The following HS6ST3 variants were observed in gnomAD, a reference collection of about 807,000 sequenced individuals.
The protein encoded by HS6ST3 is heparan sulfate 6-O-sulfotransferase 3.
A neutral mutation model predicts 36.7 loss-of-function variants in HS6ST3; 12 were observed. The observed-to-expected ratio is 0.33, with a 90% CI of 0.21 to 0.53. HS6ST3 has a LOEUF of 0.53. Ranked by LOEUF, HS6ST3 falls within the 20% of genes least tolerant of loss-of-function variation. The pLI is 0.95. For missense variants in HS6ST3, 584 were observed against 640.9 expected, an observed-to-expected ratio of 0.91 and a Z score of 0.96; for synonymous variants, 240 against 257.5, an observed-to-expected ratio of 0.93 and a Z score of 0.65.
At chr13:96,324,753 A>G (rs912140615) in intron 1 of HS6ST3, among the ~76,000 whole-genome samples, 3 of 152,188 alleles carry the variant, frequency 2.0e-5, no homozygotes, top group Non-Finnish European at 4.4e-5. Context: ...AACACCATCT[A>G]TAAGCCAAGT....
At chr13:96,697,775 A>G (rs564176555) in intron 1 of HS6ST3, among the ~76,000 whole-genome samples, 1 of 152,292 alleles carries the variant, frequency 6.6e-6, no homozygotes, top group South Asian at 2.1e-4. Flanking sequence ...AAGTTAAGTT[A>G]TAAGTTAAAC....
chr13:96,827,566 A>G (rs1878676087), intron 1 of HS6ST3, among the ~76,000 whole-genome samples: 1 of 152,162 alleles, frequency 6.6e-6, no homozygotes, highest in African/African-American at 2.4e-5. Context: ...ATAAGATAGG[A>G]TGACTTTATA....
At chr13:96,460,669 A>C (rs1031713684) in intron 1 of HS6ST3, among the ~76,000 whole-genome samples, 4 of 152,170 alleles carry the variant, frequency 2.6e-5, no homozygotes, top group African/African-American at 9.7e-5. Flanking sequence ...GTATTTTTAC[A>C]CTTAATAGTA....
At chr13:96,636,881 A>G (rs977277964) in intron 1 of HS6ST3, among the ~76,000 whole-genome samples, 7 of 152,136 alleles carry the variant, frequency 4.6e-5, no homozygotes, top group African/African-American at 1.7e-4. Flanking sequence ...TGCTGTTTGA[A>G]GATAAATCAT....
At chr13:96,496,808 A>G (rs576192287) in intron 1 of HS6ST3, among the ~76,000 whole-genome samples, 77 of 152,250 alleles carry the variant, frequency 5.1e-4, no homozygotes, top group Non-Finnish European at 9.4e-4. Flanking sequence ...CTATTGAAAT[A>G]GGGACTGATA....
intron 1 of HS6ST3, among the ~76,000 whole-genome samples, chr13:96,440,844 C>G (rs777204880): frequency 6.6e-6 from 1 of 152,100 alleles, no homozygotes; most frequent in Non-Finnish European, 1.5e-5. Flanking sequence ...TAATTAATCC[C>G]TTTACCCCCT....
chr13:96,464,239 AC>A (rs1036802193), intron 1 of HS6ST3, among the ~76,000 whole-genome samples: 1 of 148,794 alleles, frequency 6.7e-6, no homozygotes, highest in Non-Finnish European at 1.5e-5. Flanking sequence ...TTGCTTCCTT[AC>A]CCCCCTACCC....
intron 1 of HS6ST3, among the ~76,000 whole-genome samples, chr13:96,156,352 A>G (rs2054110471): frequency 1.3e-5 from 2 of 152,212 alleles, no homozygotes. Flanking sequence ...AGCACTGAGA[A>G]TGCTGAAAAC....
chr13:96,345,422 T>C (rs2055149035), intron 1 of HS6ST3, among the ~76,000 whole-genome samples: 1 of 152,192 alleles, frequency 6.6e-6, no homozygotes, highest in Non-Finnish European at 1.5e-5. Flanking sequence ...TGCCCGGTAT[T>C]ATTTATTAGA....
chr13:96,581,930 G>T (rs1249479668), intron 1 of HS6ST3, among the ~76,000 whole-genome samples: 1 of 152,098 alleles, frequency 6.6e-6, no homozygotes, highest in Non-Finnish European at 1.5e-5. Context: ...CATTTGAGTG[G>T]AATCCAATTC....
chr13:96,615,453 C>G (rs2056470783), intron 1 of HS6ST3, among the ~76,000 whole-genome samples: 1 of 152,072 alleles, frequency 6.6e-6, no homozygotes, highest in Non-Finnish European at 1.5e-5. Context: ...AGAGCAGTGT[C>G]GATGGATGGT....
chr13:96,579,285 C>A (rs2056333212), intron 1 of HS6ST3, among the ~76,000 whole-genome samples: 1 of 152,058 alleles, frequency 6.6e-6, no homozygotes, highest in African/African-American at 2.4e-5. Context: ...GCCTAGGGAG[C>A]TATGTGGTTT....
intron 1 of HS6ST3, among the ~76,000 whole-genome samples, chr13:96,595,426 AT>A (rs970695857): frequency 3.4e-5 from 5 of 149,004 alleles, no homozygotes; most frequent in African/African-American, 2.5e-5. Context: ...TTTATATGTT[AT>A]TTTTTTTTCT....
intron 1 of HS6ST3, among the ~76,000 whole-genome samples, chr13:96,493,429 T>A (rs979368545): frequency 1.3e-5 from 2 of 152,072 alleles, no homozygotes; most frequent in Admixed American, 6.6e-5. Context: ...ATCATTTAGG[T>A]TTTAGGAGGT....
At chr13:96,811,247 G>A (rs1391005450) in intron 1 of HS6ST3, among the ~76,000 whole-genome samples, 1 of 152,172 alleles carries the variant, frequency 6.6e-6, no homozygotes, top group African/African-American at 2.4e-5. Flanking sequence ...GCACCATTAG[G>A]AGCCCGTGCC....
intron 1 of HS6ST3, among the ~76,000 whole-genome samples, chr13:96,116,769 A>G (rs923909615): frequency 6.6e-6 from 1 of 152,196 alleles, no homozygotes; most frequent in African/African-American, 2.4e-5. Context: ...GAGGAGGACT[A>G]GAGAGAGAGG....
intron 1 of HS6ST3, among the ~76,000 whole-genome samples, chr13:96,242,816 C>T (rs1300967591): frequency 3.5e-4 from 53 of 152,162 alleles, no homozygotes; most frequent in Admixed American, 3.5e-3. Flanking sequence ...AACAGTCTCA[C>T]CTCTGGATTG....
At position 96,508,929 on chromosome 13, in the gene HS6ST3, A is replaced by G. The variant is rs550309496; in HGVS notation, c.708-323561A>G. 5.9e-5 allele frequency among the ~76,000 whole-genome samples: 9 copies of G among 151,934 alleles called. No individual in the cohort carries two copies. In the East Asian group the frequency reaches 1.7e-3, roughly 29 times the overall value. On this transcript the variant is annotated intron_variant, in intron 1 of 1. Transcript: ENST00000376705. ...GCTGGATCAAATGGTAGATCTCCATATAGTTTTCCATAGAGGTTGTACTAA... is the reference window on the plus strand; with the variant it reads ...GCTGGATCAAATGGTAGATCTCCATGTAGTTTTCCATAGAGGTTGTACTAA...
At position 96,257,542 on chromosome 13, in the gene HS6ST3, T is replaced by G. The variant is rs1175853041; in HGVS notation, c.707+165973T>G. ...TGGGACCCTTGACAAGTTACTTAAT[T>G]TTTTCAATTTCTTCATTAATAATAT... On this transcript the variant is annotated intron_variant, in intron 1 of 1. Coordinates refer to ENST00000376705, the MANE Select transcript of HS6ST3 (RefSeq NM_153456.4). 2.0e-5 allele frequency among the ~76,000 whole-genome samples: 3 copies of G among 152,166 alleles called. No individual in the cohort carries two copies. In the East Asian group the frequency reaches 5.8e-4, roughly 29 times the overall value.
Sources: gnomAD v4.1 joint callset for allele counts (sites outside exome capture counted in the v4.1 genomes callset) on GRCh38, gnomAD v4.1.1 for gene constraint, MANE v1.5 for transcripts, NCBI Gene and HGNC (gene_info 2026-07-23, HGNC 2026-07-21) for gene names.